The following NTRK3 variants were observed in gnomAD, a reference collection of about 807,000 sequenced individuals.
The protein encoded by NTRK3 is neurotrophic receptor tyrosine kinase 3, also known as NT-3 growth factor receptor.
Under a neutral mutation model 91.7 loss-of-function variants are expected in NTRK3, and 24 were observed. The ratio of observed to expected loss-of-function variants is 0.26; its 90% CI spans 0.19 to 0.37. The LOEUF (loss-of-function observed/expected upper bound fraction) is 0.37, where lower values mean the gene tolerates loss of function less well. NTRK3 is among the 10% of genes least tolerant of loss of function. The pLI, the probability that NTRK3 is intolerant of heterozygous loss-of-function variation, is 1.00. For synonymous variants in NTRK3, 483 were observed against 404.0 expected, an observed-to-expected ratio of 1.20 and a Z score of -2.34; for missense variants, 880 against 1,068.9, an observed-to-expected ratio of 0.82 and a Z score of 2.46.
chr15:87,893,235 G>A (rs1171899797), intron 17 of NTRK3, among the ~76,000 whole-genome samples: 1 of 152,126 alleles, frequency 6.6e-6, no homozygotes, highest in Non-Finnish European at 1.5e-5. Flanking sequence ...CTGGGAGAAT[G>A]GGACAGGAGG....
intron 14 of NTRK3, among the ~76,000 whole-genome samples, chr15:88,003,645 C>T (rs1412232494): frequency 1.3e-5 from 2 of 152,060 alleles, no homozygotes; most frequent in African/African-American, 2.4e-5. Flanking sequence ...TGCACTGCTC[C>T]GCTGAGAAGA....
intron 13 of NTRK3, among the ~76,000 whole-genome samples, chr15:88,048,019 G>T (rs957088238): frequency 1.3e-5 from 2 of 152,204 alleles, no homozygotes; most frequent in Non-Finnish European, 2.9e-5. Context: ...GCAGTCTATA[G>T]AGGGGCCTAG....
At chr15:87,967,751 A>G (rs1259531117) in intron 14 of NTRK3, among the ~76,000 whole-genome samples, 1 of 152,210 alleles carries the variant, frequency 6.6e-6, no homozygotes, top group Non-Finnish European at 1.5e-5. Flanking sequence ...TTTTCTTATA[A>G]TAGGTGAAGT....
intron 13 of NTRK3, 136 bp downstream of exon 13, chr15:88,126,135 G>T: frequency 1.5e-6 from 1 of 687,142 alleles, no homozygotes; most frequent in Non-Finnish European, 2.6e-6. Context: ...GCAAACAGGA[G>T]TTTCCATCAG....
In NTRK3 at chr15:88,116,461, T is replaced by C. The variant is rs953186246; in HGVS notation, c.1396+9810A>G. ...TTTAAAAAAAAAAAAATGGTGGTTATAGTTTGTAATCTTATAGTCACAAAA... is the reference window on the plus strand; with the variant it reads ...TTTAAAAAAAAAAAAATGGTGGTTACAGTTTGTAATCTTATAGTCACAAAA... On this transcript the variant is annotated intron_variant, in intron 13 of 18. Transcript: ENST00000394480. Among the ~76,000 whole-genome samples the C allele has an allele frequency of 7.8e-4, 119 of 152,066 alleles. 1 individual carries two copies. Among genetic ancestry groups the C allele is most frequent in the Admixed American group, 7.7e-3 (117 of 15,280 alleles).
intron 11 of NTRK3, 96 bp from the exon 12 acceptor site, chr15:88,127,322 T>A (rs2053397497): frequency 4.0e-6 from 4 of 995,620 alleles, no homozygotes; most frequent in South Asian, 2.7e-5. Context: ...CCCTTGAGAC[T>A]TCCCCCTGCA....
At chr15:88,188,234 A>G (rs370108673) in intron 3 of NTRK3, among the ~76,000 whole-genome samples, 31 of 152,352 alleles carry the variant, frequency 2.0e-4, no homozygotes, top group African/African-American at 6.7e-4. Context: ...GAGGAGAAAG[A>G]GGGCAAAGGG....
At chr15:88,017,425 A>G (rs892883504) in intron 14 of NTRK3, among the ~76,000 whole-genome samples, 7 of 152,248 alleles carry the variant, frequency 4.6e-5, no homozygotes, top group Admixed American at 2.0e-4. Flanking sequence ...GTTCTTCCCC[A>G]GAGTGGCAGC....
intron 14 of NTRK3, among the ~76,000 whole-genome samples, chr15:88,025,047 C>T (rs573415220): frequency 3.8e-4 from 58 of 150,900 alleles, no homozygotes; most frequent in African/African-American, 1.4e-3. Context: ...ACGTGTGTGG[C>T]CACACACACA....
intron 14 of NTRK3, among the ~76,000 whole-genome samples, chr15:87,976,955 C>T (rs2073775927): frequency 6.7e-6 from 1 of 148,662 alleles, no homozygotes; most frequent in Admixed American, 6.8e-5. Flanking sequence ...TATCAGCTCT[C>T]AAGAGAAGAT....
At chr15:87,864,851 C>T (rs1181317643) in exon 19 of NTRK3, 1 of 228,534 alleles carries the variant, frequency 4.4e-6, no homozygotes, top group Non-Finnish European at 8.7e-6. Flanking sequence ...AGAGAGTGGG[C>T]TCTATTATTT....
intron 13 of NTRK3, among the ~76,000 whole-genome samples, chr15:88,057,117 CGA>C (rs1462781941): frequency 7.0e-6 from 1 of 143,144 alleles, no homozygotes; most frequent in African/African-American, 2.6e-5. Flanking sequence ...TGCAGTGAGT[CGA>C]GATCGCGCCA....
At chr15:87,911,430 C>G (rs2067081804) in intron 17 of NTRK3, among the ~76,000 whole-genome samples, 1 of 152,162 alleles carries the variant, frequency 6.6e-6, no homozygotes, top group East Asian at 1.9e-4. Flanking sequence ...ATGTCCAGCA[C>G]AGGCATCTGT....
chr15:88,050,315 G>A (rs375477915), intron 13 of NTRK3, among the ~76,000 whole-genome samples: 4 of 152,076 alleles, frequency 2.6e-5, no homozygotes, highest in African/African-American at 9.7e-5. Flanking sequence ...CAATCCTTAA[G>A]CTAATAAATG....
intron 3 of NTRK3, among the ~76,000 whole-genome samples, chr15:88,200,494 T>C (rs544656163): frequency 5.3e-5 from 8 of 152,292 alleles, no homozygotes; most frequent in Non-Finnish European, 1.0e-4. Flanking sequence ...GAAGGGACCC[T>C]GTGGGAGGTA....
At chr15:88,103,544 C>T (rs889525109) in intron 13 of NTRK3, among the ~76,000 whole-genome samples, 1 of 152,112 alleles carries the variant, frequency 6.6e-6, no homozygotes, top group African/African-American at 2.4e-5. Flanking sequence ...CAATACTGCC[C>T]ATAGGTTTAA....
chr15:88,173,922 T>C (rs2045761491), intron 5 of NTRK3, among the ~76,000 whole-genome samples: 1 of 152,222 alleles, frequency 6.6e-6, no homozygotes, highest in Non-Finnish European at 1.5e-5. Context: ...ATTCCCCATC[T>C]GTAAAATGGG....
intron 13 of NTRK3, among the ~76,000 whole-genome samples, chr15:88,106,066 T>A (rs2050674154): frequency 6.6e-6 from 1 of 152,256 alleles, no homozygotes; most frequent in African/African-American, 2.4e-5. Flanking sequence ...TGTTCAAGGA[T>A]TCTGTTGTCA....
intron 14 of NTRK3, among the ~76,000 whole-genome samples, chr15:87,956,094 A>C (rs1202029341): frequency 2.0e-5 from 3 of 151,604 alleles, no homozygotes; most frequent in Non-Finnish European, 4.4e-5. Flanking sequence ...TAGACTACCT[A>C]CTCTCCCTGG....
Sources: gnomAD v4.1 joint callset for allele counts (sites outside exome capture counted in the v4.1 genomes callset) on GRCh38, gnomAD v4.1.1 for gene constraint, MANE v1.5 for transcripts, NCBI Gene and HGNC (gene_info 2026-07-23, HGNC 2026-07-21) for gene names.